The following PTPRM variants were observed in gnomAD, a reference collection of about 807,000 sequenced individuals.
PTPRM encodes the protein receptor-type tyrosine-protein phosphatase mu.
A neutral mutation model predicts 186.7 loss-of-function variants in PTPRM; 47 were observed. The ratio of observed to expected loss-of-function variants is 0.25; its 90% CI spans 0.20 to 0.32. The LOEUF is 0.32. Ranked by LOEUF, PTPRM falls within the 10% of genes least tolerant of loss-of-function variation. The pLI is 1.00. For synonymous variants in PTPRM, 668 were observed against 674.9 expected (o/e 0.99, Z 0.16); for missense variants, 1,494 against 1,865.0 (o/e 0.80, Z 3.66).
At chr18:8,189,492 A>G (rs16953012) in intron 14 of PTPRM, among the ~76,000 whole-genome samples, 19,673 of 152,046 alleles carry the variant, frequency 0.13, 1,719 homozygotes, top group Middle Eastern at 0.33. Context: ...AAATGTTCCC[A>G]CTGAGAATTA....
intron 7 of PTPRM, among the ~76,000 whole-genome samples, chr18:7,990,935 G>A (rs1035330845): frequency 1.3e-5 from 2 of 152,130 alleles, no homozygotes; most frequent in Admixed American, 6.6e-5. Flanking sequence ...GATTGCTATA[G>A]CTAATGGAGG....
intron 3 of PTPRM, among the ~76,000 whole-genome samples, chr18:7,904,859 T>C (rs942922121): frequency 6.6e-6 from 1 of 152,252 alleles, no homozygotes; most frequent in Non-Finnish European, 1.5e-5. Context: ...TCATTCTGTG[T>C]GTAAATGGAG....
chr18:7,820,949 C>A (rs536139086), intron 2 of PTPRM, among the ~76,000 whole-genome samples: 4 of 152,288 alleles, frequency 2.6e-5, no homozygotes, highest in Non-Finnish European at 5.9e-5. Flanking sequence ...CCACCTGCCT[C>A]CCCCAGCCCT....
chr18:7,830,649 T>C (rs2045713364), intron 2 of PTPRM, among the ~76,000 whole-genome samples: 2 of 152,150 alleles, frequency 1.3e-5, no homozygotes, highest in Non-Finnish European at 2.9e-5. Context: ...TATGTCATAG[T>C]TGCTAGGAGG....
chr18:7,981,219 G>T (rs117989960), intron 7 of PTPRM, among the ~76,000 whole-genome samples: 10 of 151,982 alleles, frequency 6.6e-5, no homozygotes, highest in African/African-American at 2.2e-4. Context: ...CCTCAGGGAG[G>T]CTTTCCCTAA....
At chr18:7,645,502 TAAAAAA>T (rs1480744070) in intron 1 of PTPRM, among the ~76,000 whole-genome samples, 1 of 150,814 alleles carries the variant, frequency 6.6e-6, no homozygotes, top group South Asian at 2.1e-4. Flanking sequence ...CTTATAAAAA[TAAAAAA>T]AGTCATTTCA....
chr18:7,642,052 C>T lies in PTPRM; in HGVS notation c.73+74161C>T, dbSNP rs986547933. On this transcript the variant is annotated intron_variant, in intron 1 of 32. Transcript: ENST00000580170. ...AACCACTCTGTGTTCTACCTGCTTC[C>T]GTGGCAGACCTTGTCCCAAATATTT... 1.1e-4 allele frequency among the ~76,000 whole-genome samples: 16 copies of T among 152,240 alleles called. No individual in the cohort carries two copies. The East Asian group carries it at 2.1e-3, about 20-fold the overall frequency.
At chr18:7,718,350 G>A (rs1457637363) in intron 1 of PTPRM, among the ~76,000 whole-genome samples, 1 of 152,132 alleles carries the variant, frequency 6.6e-6, no homozygotes, top group Non-Finnish European at 1.5e-5. Context: ...GGGATAACTG[G>A]TAAGCCACAT....
intron 7 of PTPRM, among the ~76,000 whole-genome samples, chr18:8,046,809 A>G (rs2087094462): frequency 6.6e-6 from 1 of 152,120 alleles, no homozygotes; most frequent in Admixed American, 6.6e-5. Context: ...ATGAGATATT[A>G]ATAATACTAT....
rs116975196 is a variant in PTPRM, at chr18:8,186,025, T to C, written c.2300+42246T>C. Among the ~76,000 whole-genome samples, 1,127 of 152,296 alleles carry C rather than the reference T, an allele frequency of 7.4e-3. 10 individuals are homozygous for C. Among genetic ancestry groups the C allele is most frequent in the Non-Finnish European group, 0.012 (814 of 68,028 alleles). On this transcript the variant is annotated intron_variant, in intron 14 of 32. Coordinates refer to ENST00000580170, the MANE Select transcript of PTPRM (RefSeq NM_001105244.2). The stretch of plus-strand genomic sequence containing the variant: ...GTGAAGAGATAGGAAAGAAATATTA[T>C]GCAGAATATCTCATTTGTAAAAAGA...
intron 2 of PTPRM, among the ~76,000 whole-genome samples, chr18:7,851,049 G>T (rs2046834770): frequency 6.6e-6 from 1 of 152,170 alleles, no homozygotes; most frequent in Non-Finnish European, 1.5e-5. Flanking sequence ...AGTGAAAAGA[G>T]ATTCTAGAAT....
chr18:7,571,893 A>G (rs966527813), intron 1 of PTPRM, among the ~76,000 whole-genome samples: 6 of 152,224 alleles, frequency 3.9e-5, no homozygotes, highest in Non-Finnish European at 7.3e-5. Flanking sequence ...AATTTTTTCA[A>G]AATACAGAAT....
At chr18:8,397,719 T>C (rs541966413) in intron 32 of PTPRM, among the ~76,000 whole-genome samples, 1 of 152,254 alleles carries the variant, frequency 6.6e-6, no homozygotes, top group Non-Finnish European at 1.5e-5. Context: ...CCTGAGCTCC[T>C]TTGAAGAGAC....
rs560021198 is a variant in PTPRM at position 7,777,665 on chromosome 18, TCTCA to T, written c.196+3397_196+3400del. Among the ~76,000 whole-genome samples, 49 of 152,340 alleles carry T rather than the reference TCTCA, an allele frequency of 3.2e-4. 1 individual carries two copies. In the South Asian group the frequency reaches 0.01, roughly 32 times the overall value. ...TAATATACAAACATTTCACATTTTC[TCTCA>T]CTTTCAGAAGATGTGTTTTCTAAAC... On this transcript the variant is annotated intron_variant, in intron 2 of 32. Transcript: ENST00000580170.
At chr18:8,246,739 G>A (rs956998712) in intron 15 of PTPRM, among the ~76,000 whole-genome samples, 2 of 152,082 alleles carry the variant, frequency 1.3e-5, no homozygotes, top group Non-Finnish European at 2.9e-5. Flanking sequence ...AAAAATACCT[G>A]TAAATGACAG....
chr18:8,141,487 A>G (rs1292962257), intron 13 of PTPRM, among the ~76,000 whole-genome samples: 1 of 152,172 alleles, frequency 6.6e-6, no homozygotes, highest in Non-Finnish European at 1.5e-5. Flanking sequence ...CCTAAAGGGG[A>G]TGAAAGGCTG....
intron 2 of PTPRM, among the ~76,000 whole-genome samples, chr18:7,812,637 C>T (rs2044588373): frequency 6.6e-6 from 1 of 152,014 alleles, no homozygotes; most frequent in African/African-American, 2.4e-5. Context: ...CAAAGCAGCA[C>T]AGGAGAGCTG....
intron 1 of PTPRM, among the ~76,000 whole-genome samples, chr18:7,601,131 A>T (rs1285204623): frequency 6.6e-6 from 1 of 152,236 alleles, no homozygotes; most frequent in Non-Finnish European, 1.5e-5. Flanking sequence ...CTACAGGGGA[A>T]CAAATGTCCA....
chr18:7,568,633 G>C lies in PTPRM; in HGVS notation c.73+742G>C, dbSNP rs1381995075. On this transcript the variant is annotated intron_variant, in intron 1 of 32. Transcript: ENST00000580170. The surrounding 1 kb of genome is among the most constrained non-coding windows in gnomAD (Gnocchi z 5.1). ...CCCTAGCGGAGCGCCGCGGCCAGCT[G>C]CAACTTGTTCATCCAGCCCGGCTGC... 6.6e-6 allele frequency among the ~76,000 whole-genome samples: 1 copy of C among 152,204 alleles called. No homozygotes were observed. The highest frequency in any genetic ancestry group is 1.5e-5 in the Non-Finnish European group (1 of 68,026).
Sources: gnomAD v4.1 joint callset for allele counts (sites outside exome capture counted in the v4.1 genomes callset) on GRCh38, gnomAD v4.1.1 for gene constraint, Gnocchi (gnomAD v3.1) non-coding constraint, MANE v1.5 for transcripts, NCBI Gene and HGNC (gene_info 2026-07-23, HGNC 2026-07-21) for gene names.